The following MAPT variants were observed in gnomAD, a reference collection of about 807,000 sequenced individuals.
MAPT encodes the protein microtubule-associated protein tau.
Under a neutral mutation model 67.9 loss-of-function variants are expected in MAPT, and 34 were observed. The observed-to-expected ratio is 0.50, with a 90% CI of 0.38 to 0.67. The LOEUF (loss-of-function observed/expected upper bound fraction) is 0.67. Ranked by LOEUF, MAPT falls within the 30% of genes least tolerant of loss-of-function variation. The probability of loss-of-function intolerance (pLI) is 0.00; values close to 1 mark genes in which losing one functional copy is unlikely to be tolerated. For missense variants in MAPT, 881 were observed against 1,115.2 expected, an observed-to-expected ratio of 0.79 and a Z score of 2.99; for synonymous variants, 456 against 464.5, an observed-to-expected ratio of 0.98 and a Z score of 0.23.
Position 46,004,728 on chromosome 17 carries a change from T to G in MAPT, c.1999-5582T>G, listed in dbSNP as rs529563479. ...ATCTCACAAAGGCTTGTTGCCTTTT[T>G]TGTGGGGTTAGAACAAGAAAAAGCC... On this transcript the variant is annotated intron_variant, in intron 9 of 12. Transcript: ENST00000262410. Among the ~76,000 whole-genome samples, 42 of 152,336 alleles carry G rather than the reference T, an allele frequency of 2.8e-4. 1 individual carries two copies. In the South Asian group the frequency reaches 8.1e-3, roughly 29 times the overall value.
chr17:45,961,767 T>C (rs2070436917), intron 1 of MAPT, among the ~76,000 whole-genome samples: 1 of 144,286 alleles, frequency 6.9e-6, no homozygotes, highest in Admixed American at 7.0e-5. Context: ...GGTGGGTTTA[T>C]TTGTTTTGTT....
intron 1 of MAPT, among the ~76,000 whole-genome samples, chr17:45,941,648 C>A (rs1435714838): frequency 1.7e-4 from 17 of 102,628 alleles, no homozygotes; most frequent in African/African-American, 5.7e-4. Flanking sequence ...CCCTCCTTCC[C>A]CCCTTCCACC....
chr17:45,983,391 T>G lies in MAPT; in HGVS notation c.812T>G (p.Leu271Arg). 1.2e-6 allele frequency: 2 copies of G among 1,607,654 alleles called. No individual in the cohort carries two copies. Among genetic ancestry groups the G allele is most frequent in the Non-Finnish European group, 1.7e-6 (2 of 1,176,974 alleles). Residue 271 changes from leucine to arginine, a missense_variant, in exon 5 of 13, where the codon CTG (leucine) becomes CGG (arginine). By Grantham distance (102) the Leu-to-Arg change is moderately radical. Coordinates refer to ENST00000262410, the MANE Select transcript of MAPT (RefSeq NM_001377265.1). ...ELLKHQLLGD[L>R]HQEGPPLKGA... ...CTCAAGCACCAGCTTCTAGGAGACC[T>G]GCACCAGGAGGGGCCGCCGCTGAAG...
In MAPT at chr17:46,010,899, G is replaced by A. The variant is rs1452297281; in HGVS notation, c.2091+497G>A. Reference sequence around the variant, plus strand: ...AGGTGACCCGTTTGTTCTGATGAGCGGACACCAAGGTCTTACTGTCCTGCT... The same window carrying A: ...AGGTGACCCGTTTGTTCTGATGAGCAGACACCAAGGTCTTACTGTCCTGCT... On this transcript the variant is annotated intron_variant, in intron 10 of 12. Coordinates refer to ENST00000262410, the MANE Select transcript of MAPT (RefSeq NM_001377265.1). This position sits in a 1 kb window ranked among gnomAD's most constrained non-coding sequence, Gnocchi z 4.7. Among the ~76,000 whole-genome samples, 1 of 152,144 alleles carries A rather than the reference G, an allele frequency of 6.6e-6. No homozygotes were observed. Among genetic ancestry groups the A allele is most frequent in the Non-Finnish European group, 1.5e-5 (1 of 68,030 alleles).
chr17:45,987,206 A>G, intron 6 of MAPT, 111 bp downstream of exon 6: 1 of 1,045,600 alleles, frequency 9.6e-7, no homozygotes, highest in Non-Finnish European at 1.5e-6. Context: ...TCACTAAAGT[A>G]CAGCTGTCAT....
chr17:45,903,990 A>T lies in MAPT; in HGVS notation c.-18+9304A>T, dbSNP rs1199682866. Among the ~76,000 whole-genome samples, 10 of 14,276 alleles carry T rather than the reference A, an allele frequency of 7.0e-4. 2 individuals carry two copies. Among genetic ancestry groups the T allele is most frequent in the Non-Finnish European group, 8.0e-4 (6 of 7,540 alleles). 9.4% of individuals were successfully genotyped at this position (14,276 alleles called of 152,430 possible). A position where few individuals can be genotyped will look rare whatever the true frequency, so the allele number is the denominator to read the frequency against. On this transcript the variant is annotated intron_variant, in intron 1 of 12. Coordinates refer to ENST00000262410, the MANE Select transcript of MAPT (RefSeq NM_001377265.1). ...ATTATATATTATATATTATATATTTATATATATTATATATTATATATATTA... is the reference window on the plus strand; with the variant it reads ...ATTATATATTATATATTATATATTTTTATATATTATATATTATATATATTA...
intron 8 of MAPT, chr17:45,993,811 T>G: frequency 9.0e-7 from 1 of 1,115,152 alleles, no homozygotes; most frequent in Non-Finnish European, 1.3e-6. Flanking sequence ...TCGACCTTGT[T>G]TCAGAATGGG....
At chr17:45,914,789 T>C (rs1205614553) in intron 1 of MAPT, among the ~76,000 whole-genome samples, 1 of 151,568 alleles carries the variant, frequency 6.6e-6, no homozygotes, top group African/African-American at 2.4e-5. Context: ...GGTACAATCA[T>C]GGTTCACTGC....
intron 1 of MAPT, among the ~76,000 whole-genome samples, chr17:45,938,682 G>A (rs544717527): frequency 2.0e-5 from 3 of 152,048 alleles, no homozygotes; most frequent in African/African-American, 4.8e-5. Flanking sequence ...TCACTCTATG[G>A]TTCAGGCTGG....
At chr17:45,929,274 G>A (rs984466845) in intron 1 of MAPT, among the ~76,000 whole-genome samples, 2 of 152,234 alleles carry the variant, frequency 1.3e-5, no homozygotes, top group Non-Finnish European at 2.9e-5. Flanking sequence ...TGGGCAGGGT[G>A]TAATTATACT....
rs63750991 is a variant in MAPT, at chr17:46,024,125, C to T, written c.2456C>T (p.Thr819Met). 19 of 1,614,008 alleles carry T rather than the reference C, an allele frequency of 1.2e-5. No individual in the cohort carries two copies. Among genetic ancestry groups the T allele is most frequent in the Admixed American group, 1.7e-5 (1 of 60,004 alleles). Reference sequence around the variant, plus strand: ...ATGGTAGACTCGCCCCAGCTCGCCACGCTAGCTGACGAGGTGTCTGCCTCC... The same window carrying T: ...ATGGTAGACTCGCCCCAGCTCGCCATGCTAGCTGACGAGGTGTCTGCCTCC... ...IDMVDSPQLA[T>M]LADEVSASLA... Residue 819 changes from threonine (T) to methionine (M), a missense_variant, in exon 13 of 13, where the codon ACG becomes ATG. By Grantham distance (81) the Thr-to-Met change is moderately conservative. Coordinates refer to ENST00000262410, the MANE Select transcript of MAPT (RefSeq NM_001377265.1).
rs2065169578 is a variant in MAPT at position 45,915,874 on chromosome 17, C to T, written c.-18+21188C>T. Among the ~76,000 whole-genome samples, 1 of 152,204 alleles carries T rather than the reference C, an allele frequency of 6.6e-6. No individual in the cohort carries two copies. The highest frequency in any genetic ancestry group is 1.5e-5 in the Non-Finnish European group (1 of 68,038). On this transcript the variant is annotated intron_variant, in intron 1 of 12. Coordinates refer to ENST00000262410, the MANE Select transcript of MAPT (RefSeq NM_001377265.1). The surrounding 1 kb of genome is among the most constrained non-coding windows in gnomAD (Gnocchi z 4.4). ...TCATTTGACGATCTTGATGCCAAATCCTTTTATATCAAAAACAACCAGAAC... is the reference window on the plus strand; with the variant it reads ...TCATTTGACGATCTTGATGCCAAATTCTTTTATATCAAAAACAACCAGAAC...
intron 12 of MAPT, among the ~76,000 whole-genome samples, chr17:46,020,335 T>C (rs2076449020): frequency 6.6e-6 from 1 of 152,172 alleles, no homozygotes; most frequent in African/African-American, 2.4e-5. Context: ...GGGTGAGCTC[T>C]GTCTAGGCCT....
chr17:45,914,454 G>A (rs1048265151), intron 1 of MAPT, among the ~76,000 whole-genome samples: 4 of 152,226 alleles, frequency 2.6e-5, no homozygotes, highest in East Asian at 1.9e-4. Flanking sequence ...GGAGCGGTCC[G>A]TCTGCACTGC....
intron 1 of MAPT, among the ~76,000 whole-genome samples, chr17:45,919,765 T>G (rs1320779541): frequency 1.1e-4 from 17 of 152,116 alleles, no homozygotes; most frequent in African/African-American, 4.1e-4. Context: ...TAAATAAAAT[T>G]AGCTTTGCAG....
At chr17:46,011,884 A>G (rs2075840887) in intron 10 of MAPT, among the ~76,000 whole-genome samples, 1 of 152,162 alleles carries the variant, frequency 6.6e-6, no homozygotes, top group Non-Finnish European at 1.5e-5. Context: ...TCCCACAGGT[A>G]GCAAGCGCTT....
chr17:45,957,939 G>C (rs1278349094), intron 1 of MAPT, among the ~76,000 whole-genome samples: 3 of 152,034 alleles, frequency 2.0e-5, no homozygotes, highest in Non-Finnish European at 4.4e-5. Flanking sequence ...TGATATCTAA[G>C]CCCACCTAGA....
At chr17:45,944,992 T>C (rs558737853) in intron 1 of MAPT, among the ~76,000 whole-genome samples, 55 of 152,288 alleles carry the variant, frequency 3.6e-4, no homozygotes, top group Non-Finnish European at 6.9e-4. Flanking sequence ...CCACTAGAGG[T>C]TCCTCAGCCT....
chr17:45,950,145 A>C (rs1427123864), intron 1 of MAPT, among the ~76,000 whole-genome samples: 1 of 151,948 alleles, frequency 6.6e-6, no homozygotes, highest in African/African-American at 2.4e-5. Flanking sequence ...TCCTTTACCC[A>C]CCTAGGGTCG....
Sources: allele counts gnomAD v4.1 joint callset (sites outside exome capture counted in the v4.1 genomes callset), GRCh38; gene constraint gnomAD v4.1.1; non-coding constraint Gnocchi (gnomAD v3.1); transcripts MANE v1.5; gene names NCBI Gene and HGNC (gene_info 2026-07-23, HGNC 2026-07-21).